The following ZNF385D variants were observed in gnomAD, a reference collection of about 807,000 sequenced individuals.
The protein encoded by ZNF385D is zinc finger protein 659.
Under a neutral mutation model 35.8 loss-of-function variants are expected in ZNF385D, and 15 were observed. The ratio of observed to expected loss-of-function variants is 0.42; its 90% CI spans 0.28 to 0.64. The LOEUF is 0.64. Among genes scored for constraint, ZNF385D ranks in the 30% least tolerant of loss-of-function variants. The pLI is 0.23. For missense variants in ZNF385D, 474 were observed against 494.6 expected (o/e 0.96, Z 0.39); for synonymous variants, 212 against 186.8 (o/e 1.13, Z -1.10).
intron 3 of ZNF385D, among the ~76,000 whole-genome samples, chr3:21,818,892 C>T (rs891224098): frequency 2.0e-5 from 3 of 151,888 alleles, no homozygotes; most frequent in Non-Finnish European, 2.9e-5. Flanking sequence ...AGCAAAGAAA[C>T]TGAGAAACAC....
chr3:21,421,856 A>G (rs1342244409), intron 7 of ZNF385D, among the ~76,000 whole-genome samples: 1 of 152,234 alleles, frequency 6.6e-6, no homozygotes, highest in Non-Finnish European at 1.5e-5. Context: ...CGACTAGCCA[A>G]GGGTGTAACC....
chr3:21,997,369 G>A (rs934797604), intron 3 of ZNF385D, among the ~76,000 whole-genome samples: 2 of 152,080 alleles, frequency 1.3e-5, no homozygotes, highest in Non-Finnish European at 2.9e-5. Flanking sequence ...GGATTGGGGA[G>A]GGATAGCATT....
rs200613614 is a variant in ZNF385D at position 22,317,278 on chromosome 3, T to TC, written c.106+55171dup. ...TGGGAAACAAGAGTGAAACTCCATCTCCAAAAAAAAAAAAAAAAAAAAAAA... is the reference window on the plus strand; with the variant it reads ...TGGGAAACAAGAGTGAAACTCCATCTCCCAAAAAAAAAAAAAAAAAAAAAAA... On this transcript the variant is annotated intron_variant, in intron 2 of 5. Transcript: ENST00000494108. 8.8e-3 allele frequency among the ~76,000 whole-genome samples: 293 copies of TC among 33,470 alleles called. 23 individuals carry two copies. Among genetic ancestry groups the TC allele is most frequent in the Middle Eastern group, 0.04 (2 of 50 alleles). 22.0% of individuals were successfully genotyped at this position (33,470 alleles called of 152,430 possible).
intron 2 of ZNF385D, among the ~76,000 whole-genome samples, chr3:22,251,847 T>C (rs895942523): frequency 6.6e-6 from 1 of 152,084 alleles, no homozygotes; most frequent in East Asian, 1.9e-4. Flanking sequence ...GAGTGTTACA[T>C]AGACCTGGGA....
intron 1 of ZNF385D, among the ~76,000 whole-genome samples, chr3:21,749,167 A>C (rs995325589): frequency 2.0e-5 from 3 of 152,214 alleles, no homozygotes; most frequent in Non-Finnish European, 4.4e-5. Flanking sequence ...ATCACATTTC[A>C]ATTCGTACTA....
intron 2 of ZNF385D, among the ~76,000 whole-genome samples, chr3:21,607,800 G>A (rs1313397396): frequency 2.0e-5 from 3 of 152,096 alleles, no homozygotes; most frequent in Non-Finnish European, 4.4e-5. Flanking sequence ...AAGCAGAGAT[G>A]AGAGACCACT....
chr3:21,766,479 G>C (rs1406933494), intron 3 of ZNF385D, among the ~76,000 whole-genome samples: 1 of 152,126 alleles, frequency 6.6e-6, no homozygotes, highest in Admixed American at 6.6e-5. Flanking sequence ...GTTTGTGTTT[G>C]AGGAAAGAGT....
chr3:22,030,289 A>ATGTATATATATATATGTATG (rs1559316635), intron 3 of ZNF385D, among the ~76,000 whole-genome samples: 4 of 98,264 alleles, frequency 4.1e-5, no homozygotes, highest in African/African-American at 1.9e-4. Context: ...ATATATATAT[A>ATGTATATATATATATGTATG]TATATATATA....
Position 22,163,189 on chromosome 3 carries a change from G to C in ZNF385D, c.325+5628C>G, listed in dbSNP as rs148006383. Among the ~76,000 whole-genome samples, 797 of 152,204 alleles carry C rather than the reference G, an allele frequency of 5.2e-3. 6 individuals carry two copies. The highest frequency in any genetic ancestry group is 0.018 in the African/African-American group (748 of 41,524). Reference sequence around the variant, plus strand: ...ATGAGCTGAAGGCAATGCTTGTGGAGGAATTTAGCAGGCAAAATTCCTGAC... The same window carrying C: ...ATGAGCTGAAGGCAATGCTTGTGGACGAATTTAGCAGGCAAAATTCCTGAC... On this transcript the variant is annotated intron_variant, in intron 3 of 5. Coordinates refer to the ZNF385D transcript ENST00000494108.
intron 1 of ZNF385D, among the ~76,000 whole-genome samples, chr3:21,692,368 C>T (rs1242686783): frequency 2.6e-5 from 4 of 152,152 alleles, no homozygotes; most frequent in Non-Finnish European, 5.9e-5. Flanking sequence ...TTTTCTAATA[C>T]ATCCATTTCC....
chr3:21,883,481 T>G (rs913543836), intron 3 of ZNF385D, among the ~76,000 whole-genome samples: 7 of 152,028 alleles, frequency 4.6e-5, no homozygotes, highest in African/African-American at 1.7e-4. Context: ...GGGTTTATGA[T>G]ATATATTCTG....
At chr3:22,238,793 T>C (rs1022848549) in intron 2 of ZNF385D, among the ~76,000 whole-genome samples, 2 of 150,976 alleles carry the variant, frequency 1.3e-5, no homozygotes, top group Admixed American at 6.6e-5. Flanking sequence ...GGTATAGTGT[T>C]GTGAACAGGG....
intron 2 of ZNF385D, among the ~76,000 whole-genome samples, chr3:22,218,474 T>A (rs1034899765): frequency 6.6e-6 from 1 of 152,070 alleles, no homozygotes; most frequent in African/African-American, 2.4e-5. Context: ...TATATGTGTG[T>A]ATATGTGTAT....
chr3:21,819,004 C>A (rs1003761858), intron 3 of ZNF385D, among the ~76,000 whole-genome samples: 1 of 151,830 alleles, frequency 6.6e-6, no homozygotes, highest in East Asian at 1.9e-4. Context: ...TAGAAAACTG[C>A]ATATAAATTA....
chr3:21,788,607 A>G (rs2071797706), intron 3 of ZNF385D, among the ~76,000 whole-genome samples: 1 of 152,222 alleles, frequency 6.6e-6, no homozygotes, highest in Non-Finnish European at 1.5e-5. Context: ...GGCCATCAGT[A>G]AGAAAAACAA....
chr3:22,348,079 A>G (rs917329680), intron 2 of ZNF385D, among the ~76,000 whole-genome samples: 2 of 152,124 alleles, frequency 1.3e-5, no homozygotes, highest in African/African-American at 4.8e-5. Flanking sequence ...AATAACATAC[A>G]TTTTTTAACT....
chr3:21,981,203 AT>A (rs1438254164), intron 3 of ZNF385D, among the ~76,000 whole-genome samples: 4 of 151,996 alleles, frequency 2.6e-5, no homozygotes, highest in African/African-American at 9.7e-5. Flanking sequence ...AAATGTTCCC[AT>A]TTTTCTGCAA....
At chr3:21,680,708 C>T (rs1046458172) in intron 1 of ZNF385D, among the ~76,000 whole-genome samples, 4 of 152,136 alleles carry the variant, frequency 2.6e-5, no homozygotes, top group African/African-American at 9.7e-5. Context: ...ACTACTCCAG[C>T]CAAAATTTTA....
chr3:22,304,832 C>A (rs150175307), intron 2 of ZNF385D, among the ~76,000 whole-genome samples: 1 of 152,136 alleles, frequency 6.6e-6, no homozygotes, highest in Non-Finnish European at 1.5e-5. Flanking sequence ...TTGCTTTCCC[C>A]TATTTCAATT....
Sources: allele counts gnomAD v4.1 joint callset (sites outside exome capture counted in the v4.1 genomes callset), GRCh38; gene constraint gnomAD v4.1.1; transcripts MANE v1.5; gene names NCBI Gene and HGNC (gene_info 2026-07-23, HGNC 2026-07-21).